The following USP15 variants were observed in gnomAD, a reference collection of about 807,000 sequenced individuals.
USP15 encodes ubiquitin specific peptidase 15, also known as ubiquitin carboxyl-terminal hydrolase 15.
Under a neutral mutation model 127.1 loss-of-function variants are expected in USP15, and 18 were observed. That is an observed-to-expected ratio of 0.14 (90% confidence interval 0.10 to 0.21). The LOEUF is 0.21. USP15 is among the 10% of genes least tolerant of loss of function. The pLI, the probability that USP15 is intolerant of heterozygous loss-of-function variation, is 1.00. For missense variants in USP15, 805 were observed against 1,159.9 expected (o/e 0.69, Z 4.44); for synonymous variants, 364 against 393.7 (o/e 0.92, Z 0.89).
chr12:62,269,685 T>G (rs2063298668), intron 1 of USP15, among the ~76,000 whole-genome samples: 1 of 152,082 alleles, frequency 6.6e-6, no homozygotes. Context: ...TCTTCCAAAG[T>G]GTTGGGATTA....
intron 3 of USP15, among the ~76,000 whole-genome samples, chr12:62,309,203 A>G (rs1475591877): frequency 6.6e-6 from 1 of 152,110 alleles, no homozygotes; most frequent in Non-Finnish European, 1.5e-5. Context: ...TAAGAATAAA[A>G]AGAGAGTAGG....
chr12:62,365,605 T>C (rs957499161), intron 8 of USP15, among the ~76,000 whole-genome samples: 3 of 152,216 alleles, frequency 2.0e-5, no homozygotes, highest in African/African-American at 7.2e-5. Flanking sequence ...GCTTTTGGTG[T>C]TTTAGACATG....
At chr12:62,345,542 T>G (rs1394110576) in intron 6 of USP15, among the ~76,000 whole-genome samples, 2 of 152,202 alleles carry the variant, frequency 1.3e-5, no homozygotes, top group Non-Finnish European at 2.9e-5. Flanking sequence ...TTCTGAGTCC[T>G]CCAAACTGTT....
At chr12:62,393,500 C>T (rs1014585683) in intron 19 of USP15, 3 of 212,418 alleles carry the variant, frequency 1.4e-5, no homozygotes, top group Non-Finnish European at 9.2e-6. Flanking sequence ...ATCTAAGATA[C>T]TTTATGGTAC....
chr12:62,314,865 G>A lies in USP15; in HGVS notation c.424G>A (p.Gly142Arg). The A allele has an allele frequency of 6.3e-7, 1 of 1,598,634 alleles. No homozygotes were observed. Among genetic ancestry groups the A allele is most frequent in the Non-Finnish European group, 8.5e-7 (1 of 1,172,540 alleles). Residue 142 changes from glycine (G) to arginine (R), a missense_variant, in exon 4 of 22, where the codon GGA becomes AGA. Gly to Arg is a moderately radical substitution (Grantham distance 125). Transcript: ENST00000280377. ...YLTELKLCENGNMNNVVTRRF... is the reference protein window; with the variant it reads ...YLTELKLCENRNMNNVVTRRF... The stretch of plus-strand genomic sequence containing the variant: ...CACAGAATTGAAGCTATGTGAAAAT[G>A]GAAACATGAATAATGTTGTAACTCG...
chr12:62,321,138 C>T (rs956273135), intron 4 of USP15, among the ~76,000 whole-genome samples: 2 of 152,014 alleles, frequency 1.3e-5, no homozygotes, highest in African/African-American at 2.4e-5. Flanking sequence ...CCTACATCTC[C>T]TCAGAAAATA....
chr12:62,264,029 C>T (rs2063136324), intron 1 of USP15, among the ~76,000 whole-genome samples: 1 of 152,080 alleles, frequency 6.6e-6, no homozygotes, highest in Admixed American at 6.6e-5. Context: ...CGCTGTGTCG[C>T]CCAGGCTAGA....
rs1290332290 is a variant in USP15 at position 62,409,162 on chromosome 12, C to T, written c.*4787C>T. The T allele has an allele frequency of 6.6e-6, 1 of 151,930 alleles. No individual in the cohort carries two copies. The highest frequency in any genetic ancestry group is 6.6e-5 in the Admixed American group (1 of 15,248). 9.4% of individuals were successfully genotyped at this position (151,930 alleles called of 1,614,324 possible). A position where few individuals can be genotyped will look rare whatever the true frequency, so the allele number is the denominator to read the frequency against. On this transcript the variant is annotated 3_prime_UTR_variant, in exon 22 of 22. Coordinates refer to ENST00000280377, the MANE Select transcript of USP15 (RefSeq NM_001252078.2). ...AAAATATATGCATCGGGAAACATAC[C>T]CCACACGGTGCCATGGTTTAATTAT...
intron 2 of USP15, among the ~76,000 whole-genome samples, chr12:62,296,767 A>G: frequency 6.6e-6 from 1 of 152,294 alleles, no homozygotes; most frequent in African/African-American, 2.4e-5. Context: ...TTTTGCCCAC[A>G]TCAGCCCCTC....
intron 1 of USP15, among the ~76,000 whole-genome samples, chr12:62,281,847 T>G (rs917379208): frequency 6.6e-6 from 1 of 152,162 alleles, no homozygotes; most frequent in African/African-American, 2.4e-5. Context: ...TACAGAAATA[T>G]ATGACAATAG....
intron 1 of USP15, among the ~76,000 whole-genome samples, chr12:62,275,527 C>T (rs913368923): frequency 2.6e-5 from 4 of 151,596 alleles, no homozygotes; most frequent in Admixed American, 6.6e-5. Flanking sequence ...ACTAGGAAGA[C>T]CTGTAAGTGA....
intron 6 of USP15, among the ~76,000 whole-genome samples, chr12:62,331,165 G>T (rs1418797443): frequency 6.6e-6 from 1 of 152,134 alleles, no homozygotes; most frequent in Non-Finnish European, 1.5e-5. Flanking sequence ...CCTGGAATTT[G>T]TCCATAATGT....
chr12:62,286,492 A>G (rs563850751), intron 1 of USP15, among the ~76,000 whole-genome samples: 1 of 152,360 alleles, frequency 6.6e-6, no homozygotes, highest in South Asian at 2.1e-4. Context: ...AACTAAAAAT[A>G]GAAATACCAT....
chr12:62,396,958 G>A (rs2067511742), intron 20 of USP15, among the ~76,000 whole-genome samples: 3 of 152,060 alleles, frequency 2.0e-5, no homozygotes, highest in Non-Finnish European at 2.9e-5. Context: ...AATTTATTTG[G>A]GCTGCGTGCC....
intron 9 of USP15, among the ~76,000 whole-genome samples, chr12:62,383,276 C>A (rs7295227): frequency 0.022 from 3,345 of 151,980 alleles, 125 homozygotes; most frequent in African/African-American, 0.075. Context: ...TTTTCGTCAA[C>A]CAGACAATGT....
At chr12:62,378,795 A>G (rs1219185478) in intron 8 of USP15, among the ~76,000 whole-genome samples, 1 of 152,154 alleles carries the variant, frequency 6.6e-6, no homozygotes, top group East Asian at 1.9e-4. Flanking sequence ...TTTTTCCTCC[A>G]TTTAGTAAGT....
At chr12:62,367,125 G>T (rs1283831223) in intron 8 of USP15, among the ~76,000 whole-genome samples, 1 of 151,932 alleles carries the variant, frequency 6.6e-6, no homozygotes, top group East Asian at 1.9e-4. Context: ...GCTGCTCTTT[G>T]TACCTCTGGT....
At chr12:62,315,425 A>G (rs1002143586) in intron 4 of USP15, among the ~76,000 whole-genome samples, 1 of 151,988 alleles carries the variant, frequency 6.6e-6, no homozygotes, top group Non-Finnish European at 1.5e-5. Flanking sequence ...ATTAAAATAT[A>G]TATAAATTGT....
chr12:62,378,416 G>A (rs1465444994), intron 8 of USP15, among the ~76,000 whole-genome samples: 1 of 152,110 alleles, frequency 6.6e-6, no homozygotes, highest in African/African-American at 2.4e-5. Context: ...TAGCTTGTTA[G>A]AATATATGTT....
Sources: allele counts gnomAD v4.1 joint callset (sites outside exome capture counted in the v4.1 genomes callset), GRCh38; gene constraint gnomAD v4.1.1; transcripts MANE v1.5; gene names NCBI Gene and HGNC (gene_info 2026-07-23, HGNC 2026-07-21).